DMD: variants seen among roughly 807,000 people sequenced by gnomAD.
DMD encodes the protein mutant dystrophin.
Under a neutral mutation model 330.1 loss-of-function variants are expected in DMD, and 63 were observed. The ratio of observed to expected loss-of-function variants is 0.19; its 90% confidence interval spans 0.16 to 0.24. The LOEUF is 0.24. Among genes scored for constraint, DMD ranks in the 10% least tolerant of loss-of-function variants. DMD has a pLI of 1.00. For missense variants in DMD, 3,344 were observed against 2,684.1 expected (o/e 1.25, Z -5.43); for synonymous variants, 1,223 against 959.8 (o/e 1.27, Z -5.07).
intron 18 of DMD, chrX:32,517,480 G>A (rs2045967302): frequency 8.9e-6 from 1 of 112,686 alleles, no homozygotes; most frequent in Non-Finnish European, 1.9e-5. Flanking sequence ...TACTGAGAAA[G>A]GCTGGACACC....
chrX:32,229,445 C>T (rs1396915045), intron 43 of DMD, among the ~76,000 whole-genome samples: 1 of 106,864 alleles, frequency 9.4e-6, no homozygotes, highest in East Asian at 2.9e-4. Flanking sequence ...TTATATTATT[C>T]CTTTTCTTAA....
intron 55 of DMD, among the ~76,000 whole-genome samples, chrX:31,608,506 G>A (rs1039377325): frequency 2.7e-5 from 3 of 111,428 alleles, no homozygotes; most frequent in African/African-American, 9.8e-5. Flanking sequence ...TCATACAGAT[G>A]GCTAATATTA....
In DMD at chrX:33,211,178, CAA is replaced by C. The variant is rs777211118; in HGVS notation, c.31+102_31+103del. 40 of 979,332 alleles carry C rather than the reference CAA, an allele frequency of 4.1e-5. No individual in the cohort carries two copies. The African/African-American group carries it at 7.0e-4, about 17-fold the overall frequency. The allele number at this position is 979,332 out of a possible 1,213,427, so 80.7% of individuals were successfully genotyped here. On this transcript the variant is annotated intron_variant, in intron 1 of 78. Transcript: ENST00000357033. ...TATATATAACATTTATGCTTCTTTG[CAA>C]ACTACTGTGATAATTTAAAATCAAT... is the stretch of plus-strand genomic sequence containing the variant.
intron 41 of DMD, among the ~76,000 whole-genome samples, chrX:32,334,152 C>T (rs937389003): frequency 3.6e-5 from 4 of 111,018 alleles, no homozygotes; most frequent in Non-Finnish European, 7.5e-5. Flanking sequence ...CATCAACAAT[C>T]TAGAAAAACA....
intron 60 of DMD, among the ~76,000 whole-genome samples, chrX:31,366,507 A>AAAAAAT (rs1556574494): frequency 1.2e-5 from 1 of 85,905 alleles, no homozygotes; most frequent in African/African-American, 4.6e-5. Flanking sequence ...CATAAAAAAA[A>AAAAAAT]AAATAAATAA....
Position 32,014,907 on chromosome X carries a change from T to C in DMD, c.6439-46393A>G, listed in dbSNP as rs566099488. Among the ~76,000 whole-genome samples, 34 of 112,348 alleles carry C rather than the reference T, an allele frequency of 3.0e-4. No individual in the cohort carries two copies. The South Asian group carries it at 0.012, about 41-fold the overall frequency. ...GCATACTCAAAATAGGTAAGACTAC[T>C]GAAGGTAAAATCAAAGCAGTACCAG... On this transcript the variant is annotated intron_variant, in intron 44 of 78. Transcript: ENST00000357033.
intron 50 of DMD, among the ~76,000 whole-genome samples, chrX:31,776,059 C>CA (rs1375795691): frequency 2.7e-5 from 3 of 111,882 alleles, no homozygotes; most frequent in Non-Finnish European, 5.6e-5. Flanking sequence ...GAAGAAATAG[C>CA]ATTTTGTGTC....
intron 61 of DMD, chrX:31,348,343 T>C (rs1026698868): frequency 6.8e-6 from 3 of 441,191 alleles, no homozygotes; most frequent in African/African-American, 2.4e-5. Flanking sequence ...AATTATGCAT[T>C]AGCTGAAGAC....
At chrX:32,898,577 T>C (rs1359352571) in intron 2 of DMD, among the ~76,000 whole-genome samples, 2 of 112,253 alleles carry the variant, frequency 1.8e-5, no homozygotes, top group African/African-American at 6.5e-5. Context: ...TTCAATTACA[T>C]GTAAATTAAG....
intron 60 of DMD, among the ~76,000 whole-genome samples, chrX:31,397,092 T>G (rs2060979638): frequency 8.9e-6 from 1 of 112,159 alleles, no homozygotes; most frequent in Non-Finnish European, 1.9e-5. Flanking sequence ...TCAGCTTTGA[T>G]GGGGCTCCTT....
At chrX:32,943,929 G>A (rs993526309) in intron 2 of DMD, among the ~76,000 whole-genome samples, 1 of 111,571 alleles carries the variant, frequency 9.0e-6, no homozygotes, top group Non-Finnish European at 1.9e-5. Context: ...TGCATAGATT[G>A]TGTAGTGGTC....
rs769289366 is a variant in DMD at position 31,203,950 on chromosome X, G to T, written c.9807+11C>A. On this transcript the variant is annotated intron_variant, in intron 67 of 78. Coordinates refer to ENST00000357033, the MANE Select transcript of DMD (RefSeq NM_004006.3). ...AGAATAAATATGTTACCTAGAAGGTGAATAACTTACAAATTGGAAGCAGCT... is the reference window on the plus strand; with the variant it reads ...AGAATAAATATGTTACCTAGAAGGTTAATAACTTACAAATTGGAAGCAGCT... 3 of 1,194,550 alleles carry T rather than the reference G, an allele frequency of 2.5e-6. No homozygotes were observed. The highest frequency in any genetic ancestry group is 3.5e-5 in the African/African-American group (2 of 56,936).
intron 7 of DMD, among the ~76,000 whole-genome samples, chrX:32,736,867 G>A (rs1326179911): frequency 1.8e-5 from 2 of 109,923 alleles, no homozygotes; most frequent in Non-Finnish European, 3.8e-5. Flanking sequence ...GTATACGTAT[G>A]TAACTAACCT....
intron 44 of DMD, chrX:32,102,022 T>C (rs993013052): frequency 8.1e-5 from 9 of 111,631 alleles, no homozygotes; most frequent in African/African-American, 2.6e-4. Context: ...CTGCACTGCC[T>C]CAGGGCTCTG....
intron 60 of DMD, among the ~76,000 whole-genome samples, chrX:31,386,307 A>G (rs1487218624): frequency 9.0e-6 from 1 of 111,393 alleles, no homozygotes; most frequent in Non-Finnish European, 1.9e-5. Context: ...GCACACCAAC[A>G]TGGCACATGT....
At position 33,085,280 on chromosome X, in the gene DMD, A is replaced by G. The variant is rs1038391071; in HGVS notation, c.32-65080T>C. ...TATTGACTTACTTATATATTAAATT[A>G]GTGATTCAATTTCTAAAGGCCTTAC... On this transcript the variant is annotated intron_variant, in intron 1 of 78. Transcript: ENST00000357033. Among the ~76,000 whole-genome samples the G allele has an allele frequency of 4.5e-5, 5 of 111,794 alleles. No individual in the cohort carries two copies. The South Asian group carries it at 1.5e-3, about 33-fold the overall frequency.
At chrX:33,008,952 G>GTA (rs1491420149) in intron 2 of DMD, among the ~76,000 whole-genome samples, 1 of 92,575 alleles carries the variant, frequency 1.1e-5, no homozygotes, top group East Asian at 3.6e-4. Context: ...GTATATATAC[G>GTA]TATATATACA....
intron 49 of DMD, among the ~76,000 whole-genome samples, chrX:31,830,916 C>T (rs904854051): frequency 1.1e-4 from 12 of 112,063 alleles, no homozygotes; most frequent in African/African-American, 2.9e-4. Flanking sequence ...TTACCAACGA[C>T]GTGTCTAGCC....
In DMD at chrX:32,491,355, A is replaced by G. The variant is rs1343962807; in HGVS notation, c.2544T>C (p.Thr848=). 1 of 1,211,125 alleles carries G rather than the reference A, an allele frequency of 8.3e-7. No individual in the cohort carries two copies. Among genetic ancestry groups the G allele is most frequent in the Non-Finnish European group, 1.1e-6 (1 of 895,113 alleles). Reference sequence around the variant, plus strand: ...GTTGGATTTTCAACCAGTTTTCAGCAGTAGTTGTCATCTGCTCCAATTGTT... The same window carrying G: ...GTTGGATTTTCAACCAGTTTTCAGCGGTAGTTGTCATCTGCTCCAATTGTT... ...QLQQLEQMTT[T]AENWLKIQPT... Residue 848 remains threonine (T), a synonymous_variant, in exon 20 of 79, where the codon ACT becomes ACC. Coordinates refer to ENST00000357033, the MANE Select transcript of DMD (RefSeq NM_004006.3).
Sources: gnomAD v4.1 joint callset for allele counts (sites outside exome capture counted in the v4.1 genomes callset) on GRCh38, gnomAD v4.1.1 for gene constraint, MANE v1.5 for transcripts, NCBI Gene and HGNC (gene_info 2026-07-23, HGNC 2026-07-21) for gene names.